Variants in QRICH1 observed in about 807,000 individuals in gnomAD.
QRICH1 encodes the protein glutamine rich 1, also known as transcriptional regulator QRICH1.
QRICH1 carries 16 observed loss-of-function variants against 87.1 expected under a neutral mutation model. The ratio of observed to expected loss-of-function variants is 0.18; its 90% CI spans 0.12 to 0.28. The LOEUF (loss-of-function observed/expected upper bound fraction) is 0.28. QRICH1 is among the 10% of genes least tolerant of loss of function. The pLI is 1.00. For synonymous variants in QRICH1, 367 were observed against 368.4 expected (o/e 1.00, Z 0.05); for missense variants, 647 against 951.7 (o/e 0.68, Z 4.21).
chr3:49,044,236 C>T (rs1354215694), intron 6 of QRICH1, among the ~76,000 whole-genome samples, 154 bp downstream of exon 6: 2 of 152,210 alleles, frequency 1.3e-5, no homozygotes, highest in Non-Finnish European at 2.9e-5. Flanking sequence ...AGTGCCTCTT[C>T]CCTATCAGGG....
At chr3:49,040,460 A>T (rs898154175) in intron 6 of QRICH1, among the ~76,000 whole-genome samples, 2 of 152,094 alleles carry the variant, frequency 1.3e-5, no homozygotes, top group Non-Finnish European at 2.9e-5. Flanking sequence ...AAGGAGGGGA[A>T]AAAAAAAGAC....
intron 2 of QRICH1, among the ~76,000 whole-genome samples, chr3:49,070,118 A>G (rs977039125): frequency 6.6e-6 from 1 of 151,932 alleles, no homozygotes; most frequent in Non-Finnish European, 1.5e-5. Context: ...GCTCACTGCA[A>G]CCTTGGCTTC....
chr3:49,062,873 G>A (rs1224452336), intron 2 of QRICH1, among the ~76,000 whole-genome samples: 1 of 151,758 alleles, frequency 6.6e-6, no homozygotes, highest in Admixed American at 6.6e-5. Context: ...GGTGACGGGT[G>A]CCTGTAGTCC....
intron 6 of QRICH1, among the ~76,000 whole-genome samples, chr3:49,035,614 G>A (rs1023863248): frequency 1.3e-5 from 2 of 151,100 alleles, no homozygotes; most frequent in Admixed American, 6.6e-5. Flanking sequence ...ACCAGCCTGG[G>A]CAACATAGGG....
At chr3:49,092,019 C>T (rs2042285807) in intron 1 of QRICH1, among the ~76,000 whole-genome samples, 1 of 151,678 alleles carries the variant, frequency 6.6e-6, no homozygotes, top group Non-Finnish European at 1.5e-5. Flanking sequence ...TTGCAGTGAG[C>T]CGAGATCACA....
intron 2 of QRICH1, among the ~76,000 whole-genome samples, chr3:49,062,813 C>T (rs2093443177): frequency 6.6e-6 from 1 of 151,762 alleles, no homozygotes; most frequent in African/African-American, 2.4e-5. Flanking sequence ...CAAGACCATC[C>T]TGGCTAACAT....
At chr3:49,059,558 TAC>T (rs2093422944) in intron 2 of QRICH1, among the ~76,000 whole-genome samples, 1 of 150,854 alleles carries the variant, frequency 6.6e-6, no homozygotes, top group Non-Finnish European at 1.5e-5. Flanking sequence ...TAGCTGGGAC[TAC>T]AGACGCATGC....
chr3:49,034,410 T>A (rs752409845), intron 6 of QRICH1, among the ~76,000 whole-genome samples: 35 of 149,658 alleles, frequency 2.3e-4, no homozygotes, highest in East Asian at 1.8e-3. Flanking sequence ...CCACTGTACT[T>A]AAGCCTGGGT....
At chr3:49,090,496 C>T (rs1207250137) in intron 1 of QRICH1, among the ~76,000 whole-genome samples, 7 of 148,136 alleles carry the variant, frequency 4.7e-5, no homozygotes, top group South Asian at 2.1e-4. Context: ...AGCGTGGTGG[C>T]GGGCACCTGT....
intron 6 of QRICH1, 56 bp from the exon 7 acceptor site, chr3:49,033,284 T>C (rs2106814332): frequency 9.0e-7 from 1 of 1,109,670 alleles, no homozygotes; most frequent in South Asian, 2.0e-5. Flanking sequence ...CTCTCAAAGG[T>C]ACAATATGGG....
intron 2 of QRICH1, among the ~76,000 whole-genome samples, chr3:49,063,715 G>A (rs1487855188): frequency 6.6e-6 from 1 of 152,180 alleles, no homozygotes; most frequent in Admixed American, 6.6e-5. Flanking sequence ...CTTGAGCCCA[G>A]GAGATTGAGG....
At chr3:49,086,796 C>T (rs1359105889) in intron 1 of QRICH1, 2 of 152,026 alleles carry the variant, frequency 1.3e-5, no homozygotes, top group Admixed American at 1.3e-4. Flanking sequence ...TCCCTGATAC[C>T]TCTTTTGGGC....
At chr3:49,053,064 A>C (rs2093380393) in intron 3 of QRICH1, among the ~76,000 whole-genome samples, 1 of 152,148 alleles carries the variant, frequency 6.6e-6, no homozygotes, top group Non-Finnish European at 1.5e-5. Flanking sequence ...AGGGCCAAAT[A>C]CTGAACCCTC....
chr3:49,032,318 G>A, intron 8 of QRICH1, 45 bp from the exon 9 acceptor site: 1 of 1,471,174 alleles, frequency 6.8e-7, no homozygotes, highest in Non-Finnish European at 9.5e-7. Flanking sequence ...GCATCAGACT[G>A]CCTTACCTCA....
At chr3:49,083,795 G>A (rs910244602) in intron 1 of QRICH1, among the ~76,000 whole-genome samples, 3 of 151,680 alleles carry the variant, frequency 2.0e-5, no homozygotes, top group Non-Finnish European at 4.4e-5. Flanking sequence ...CAGGTGTGGT[G>A]CTGCATACCT....
chr3:49,058,063 C>A, intron 2 of QRICH1, 173 bp from the exon 3 acceptor site: 1 of 1,146,776 alleles, frequency 8.7e-7, no homozygotes, highest in African/African-American at 1.6e-5. Context: ...CAGGATTGTC[C>A]AGCAGCACAT....
intron 2 of QRICH1, among the ~76,000 whole-genome samples, chr3:49,068,653 G>T (rs2093482325): frequency 6.6e-6 from 1 of 150,816 alleles, no homozygotes; most frequent in African/African-American, 2.4e-5. Flanking sequence ...TTTGTGATGG[G>T]GTCTGTGCTC....
chr3:49,076,100 G>A (rs959374852), intron 2 of QRICH1, among the ~76,000 whole-genome samples: 1 of 152,086 alleles, frequency 6.6e-6, no homozygotes. Flanking sequence ...AAAATTAGCC[G>A]AGTGTGTTGG....
intron 1 of QRICH1, among the ~76,000 whole-genome samples, chr3:49,089,092 G>A (rs2042224910): frequency 1.4e-5 from 2 of 147,792 alleles, no homozygotes; most frequent in Admixed American, 1.4e-4. Context: ...ATGGAGTCTC[G>A]CTCTGTCCCC....
Sources: gnomAD v4.1 joint callset for allele counts (sites outside exome capture counted in the v4.1 genomes callset) on GRCh38, gnomAD v4.1.1 for gene constraint, MANE v1.5 for transcripts, NCBI Gene and HGNC (gene_info 2026-07-23, HGNC 2026-07-21) for gene names.